Variants in DIP2B observed in about 807,000 individuals in gnomAD.
DIP2B encodes DIP2 acetate--CoA ligase B (putative), also known as disco-interacting protein 2 homolog B.
Under a neutral mutation model 198.0 loss-of-function variants are expected in DIP2B, and 76 were observed. The ratio of observed to expected loss-of-function variants is 0.38; its 90% confidence interval spans 0.32 to 0.46. DIP2B has a LOEUF of 0.46. DIP2B is among the 20% of genes least tolerant of loss of function. The pLI, the probability that DIP2B is intolerant of heterozygous loss-of-function variation, is 0.99. For missense variants in DIP2B, 1,559 were observed against 1,978.4 expected (o/e 0.79, Z 4.02); for synonymous variants, 701 against 739.1 (o/e 0.95, Z 0.84).
chr12:50,675,591 C>T lies in DIP2B; in HGVS notation c.916+143C>T, dbSNP rs193131629. On this transcript the variant is annotated intron_variant, in intron 7 of 37. Coordinates refer to ENST00000301180, the MANE Select transcript of DIP2B (RefSeq NM_173602.3). ...GTTCATCATTTTCTGCTCTTTTTTC[C>T]CTAATGATTATCTGTATTTTAGATC... 3 of 791,404 alleles carry T rather than the reference C, an allele frequency of 3.8e-6. No homozygotes were observed. In the East Asian group the frequency reaches 8.4e-5, roughly 22 times the overall value. The allele number at this position is 791,404 out of a possible 1,614,324, so 49.0% of individuals were successfully genotyped here.
intron 4 of DIP2B, among the ~76,000 whole-genome samples, chr12:50,665,992 A>G (rs1938746034): frequency 6.6e-6 from 1 of 152,188 alleles, no homozygotes. Context: ...CTAAACCACA[A>G]AGTAAACAAA....
intron 9 of DIP2B, among the ~76,000 whole-genome samples, chr12:50,682,642 A>AC (rs2139537185): frequency 6.7e-6 from 1 of 150,288 alleles, no homozygotes; most frequent in African/African-American, 2.5e-5. Context: ...AAAAAAAAAA[A>AC]AAAAAAAAAA....
intron 1 of DIP2B, among the ~76,000 whole-genome samples, chr12:50,514,236 TGTA>T (rs900401254): frequency 1.3e-5 from 2 of 151,974 alleles, no homozygotes; most frequent in African/African-American, 2.4e-5. Flanking sequence ...CAGCTAATTT[TGTA>T]GTTTTAGTAG....
intron 9 of DIP2B, among the ~76,000 whole-genome samples, chr12:50,682,002 AG>A (rs1045556482): frequency 2.0e-5 from 3 of 152,236 alleles, no homozygotes; most frequent in African/African-American, 7.2e-5. Flanking sequence ...AAGCAAAAGA[AG>A]GGGAAACAAG....
At chr12:50,508,905 G>C (rs1018727567) in intron 1 of DIP2B, among the ~76,000 whole-genome samples, 1 of 151,998 alleles carries the variant, frequency 6.6e-6, no homozygotes, top group African/African-American at 2.4e-5. Flanking sequence ...TCTCCATGTT[G>C]GTCAGGTGGG....
At chr12:50,723,087 G>T in intron 26 of DIP2B, 115 bp from the exon 27 acceptor site, 1 of 1,242,926 alleles carries the variant, frequency 8.0e-7, no homozygotes, top group Non-Finnish European at 1.1e-6. Context: ...GTTAAATTAT[G>T]GTCTACAGAA....
At chr12:50,596,355 A>G (rs939252209) in intron 1 of DIP2B, among the ~76,000 whole-genome samples, 2 of 152,182 alleles carry the variant, frequency 1.3e-5, no homozygotes, top group African/African-American at 4.8e-5. Flanking sequence ...TAACAAAAGA[A>G]CAGGTATGGA....
intron 2 of DIP2B, among the ~76,000 whole-genome samples, chr12:50,628,053 C>A (rs1056092335): frequency 9.2e-5 from 14 of 152,254 alleles, no homozygotes; most frequent in Admixed American, 9.2e-4. Context: ...GTCAGTAAGG[C>A]ACACAGTATC....
intron 1 of DIP2B, among the ~76,000 whole-genome samples, chr12:50,599,395 C>T (rs10876069): frequency 0.36 from 54,381 of 151,934 alleles, 9,926 homozygotes; most frequent in South Asian, 0.46. Flanking sequence ...GTGGGTGGAT[C>T]TCCTGAGGTC....
In DIP2B at chr12:50,675,466, A is replaced by G. The variant is rs1260642632; in HGVS notation, c.916+18A>G. On this transcript the variant is annotated intron_variant, in intron 7 of 37. Transcript: ENST00000301180. ...TGTGGAAGGTAGTAGTAAAAATACC[A>G]AAAACATATATTCATTAAATAAATA... 1 of 1,608,688 alleles carries G rather than the reference A, an allele frequency of 6.2e-7. No homozygotes were observed.
chr12:50,723,505 A>G (rs1029521125), intron 27 of DIP2B, among the ~76,000 whole-genome samples, 182 bp downstream of exon 27: 1 of 152,212 alleles, frequency 6.6e-6, no homozygotes, highest in African/African-American at 2.4e-5. Flanking sequence ...GAACTGGGGG[A>G]AAGTGGTTAT....
At chr12:50,631,267 G>A (rs904901260) in intron 2 of DIP2B, among the ~76,000 whole-genome samples, 3 of 150,014 alleles carry the variant, frequency 2.0e-5, no homozygotes, top group African/African-American at 4.9e-5. Flanking sequence ...TCCCTCTGTC[G>A]CCAGGCTGGA....
chr12:50,708,324 C>G, intron 21 of DIP2B, 124 bp from the exon 22 acceptor site: 2 of 723,550 alleles, frequency 2.8e-6, no homozygotes, highest in East Asian at 5.5e-5. Context: ...ATGACATTTT[C>G]TTTTCTAAGC....
In DIP2B at chr12:50,510,007, T is replaced by C. The variant is rs961809945; in HGVS notation, c.100+4767T>C. Among the ~76,000 whole-genome samples the C allele has an allele frequency of 3.3e-5, 5 of 152,344 alleles. 1 individual carries two copies. The South Asian group carries it at 8.3e-4, about 25-fold the overall frequency. ...GGCAGGAGCTCATCTTCAGAATTAC[T>C]GTCAGAGCCTGTGACACATTCCTTT... On this transcript the variant is annotated intron_variant, in intron 1 of 37. Coordinates refer to ENST00000301180, the MANE Select transcript of DIP2B (RefSeq NM_173602.3).
intron 3 of DIP2B, among the ~76,000 whole-genome samples, chr12:50,648,333 C>A (rs2139496318): frequency 1.3e-5 from 2 of 151,968 alleles, no homozygotes; most frequent in Middle Eastern, 6.8e-3. Context: ...AACTACCTGT[C>A]CATTGCCTAA....
At chr12:50,600,260 T>C (rs1958923553) in intron 1 of DIP2B, among the ~76,000 whole-genome samples, 1 of 152,198 alleles carries the variant, frequency 6.6e-6, no homozygotes, top group Admixed American at 6.5e-5. Flanking sequence ...TCCAAAACCA[T>C]CCCTGGCCCC....
intron 3 of DIP2B, chr12:50,656,964 A>G (rs1337026664): frequency 1.3e-5 from 2 of 152,220 alleles, no homozygotes; most frequent in African/African-American, 2.4e-5. Context: ...TATTATCATA[A>G]TTGATTCCGT....
Position 50,603,350 on chromosome 12 carries a change from A to T in DIP2B, c.101-22626A>T, listed in dbSNP as rs897568030. Among the ~76,000 whole-genome samples, 4 of 152,264 alleles carry T rather than the reference A, an allele frequency of 2.6e-5. No individual in the cohort carries two copies. The East Asian group carries it at 5.8e-4, about 22-fold the overall frequency. On this transcript the variant is annotated intron_variant, in intron 1 of 37. Transcript: ENST00000301180. ...CTAGGCAGGGTGGGAGGAACTGGGA[A>T]GAAAAAATATCACAGTGTAAGAAAT...
At chr12:50,545,316 C>T (rs1488284498) in intron 1 of DIP2B, among the ~76,000 whole-genome samples, 1 of 150,450 alleles carries the variant, frequency 6.6e-6, no homozygotes, top group Non-Finnish European at 1.5e-5. Context: ...CTCTTCCTCC[C>T]TTCCTCCCTT....
Sources: allele counts gnomAD v4.1 joint callset (sites outside exome capture counted in the v4.1 genomes callset), GRCh38; gene constraint gnomAD v4.1.1; transcripts MANE v1.5; gene names NCBI Gene and HGNC (gene_info 2026-07-23, HGNC 2026-07-21).